The following ITFG1 variants were observed in gnomAD, a reference collection of about 807,000 sequenced individuals.
ITFG1 encodes the protein integrin alpha FG-GAP repeat containing 1.
ITFG1 carries 34 observed loss-of-function variants against 81.8 expected under a neutral mutation model. The ratio of observed to expected loss-of-function variants is 0.42; its 90% CI spans 0.32 to 0.55. The LOEUF is 0.55. Among genes scored for constraint, ITFG1 ranks in the 20% least tolerant of loss-of-function variants. The pLI is 0.17. For missense variants in ITFG1, 672 were observed against 755.4 expected (o/e 0.89, Z 1.29); for synonymous variants, 285 against 270.6 (o/e 1.05, Z -0.52).
chr16:47,455,449 G>T (rs1466170647), intron 2 of ITFG1, among the ~76,000 whole-genome samples: 1 of 151,082 alleles, frequency 6.6e-6, no homozygotes, highest in African/African-American at 2.4e-5. Flanking sequence ...GAAAACAAAA[G>T]AAAAACCTCG....
chr16:47,384,317 A>G (rs1968432512), intron 6 of ITFG1, among the ~76,000 whole-genome samples: 1 of 152,236 alleles, frequency 6.6e-6, no homozygotes, highest in Non-Finnish European at 1.5e-5. Context: ...ATACAAAGTT[A>G]GTTATTTAAA....
chr16:47,411,614 G>A (rs772005884), intron 6 of ITFG1, among the ~76,000 whole-genome samples: 1 of 152,096 alleles, frequency 6.6e-6, no homozygotes. Flanking sequence ...AAAGATGGAC[G>A]ACCAGCAGGA....
chr16:47,378,239 A>G (rs1482055444), intron 6 of ITFG1, among the ~76,000 whole-genome samples: 1 of 152,240 alleles, frequency 6.6e-6, no homozygotes, highest in Admixed American at 6.5e-5. Context: ...TTCAAACTGA[A>G]AATATCCAAC....
chr16:47,223,980 C>G (rs1463328988), intron 13 of ITFG1, among the ~76,000 whole-genome samples: 1 of 149,490 alleles, frequency 6.7e-6, no homozygotes, highest in Non-Finnish European at 1.5e-5. Context: ...AAACCAAACA[C>G]CGCATAGTCT....
chr16:47,178,682 T>C (rs1405736700), intron 14 of ITFG1, among the ~76,000 whole-genome samples: 3 of 152,176 alleles, frequency 2.0e-5, no homozygotes, highest in Non-Finnish European at 2.9e-5. Flanking sequence ...ACTTCATGTC[T>C]AAAACACCAA....
At chr16:47,276,890 T>A (rs966273261) in intron 10 of ITFG1, among the ~76,000 whole-genome samples, 1 of 152,196 alleles carries the variant, frequency 6.6e-6, no homozygotes, top group Non-Finnish European at 1.5e-5. Flanking sequence ...AGCCTACATA[T>A]GAAAAGTAAA....
At chr16:47,225,048 T>C (rs932641481) in intron 13 of ITFG1, among the ~76,000 whole-genome samples, 1 of 152,066 alleles carries the variant, frequency 6.6e-6, no homozygotes, top group African/African-American at 2.4e-5. Context: ...CATGTCTAAA[T>C]AACTGAAGAA....
chr16:47,179,274 G>T (rs950236249), intron 14 of ITFG1, among the ~76,000 whole-genome samples: 3 of 152,134 alleles, frequency 2.0e-5, no homozygotes, highest in Non-Finnish European at 4.4e-5. Context: ...AGACACATGC[G>T]CACATATGTT....
chr16:47,384,332 T>C (rs1968432720), intron 6 of ITFG1, among the ~76,000 whole-genome samples: 1 of 152,206 alleles, frequency 6.6e-6, no homozygotes, highest in Non-Finnish European at 1.5e-5. Context: ...TTTAAAAAGA[T>C]TTAAACTCAT....
intron 10 of ITFG1, among the ~76,000 whole-genome samples, chr16:47,282,689 G>A (rs1010562152): frequency 2.0e-5 from 3 of 152,134 alleles, no homozygotes; most frequent in Non-Finnish European, 4.4e-5. Context: ...CACAGAGGTT[G>A]TATTAATTTT....
intron 6 of ITFG1, among the ~76,000 whole-genome samples, chr16:47,409,841 T>C (rs548459557): frequency 7.2e-5 from 11 of 152,114 alleles, no homozygotes; most frequent in Admixed American, 1.3e-4. Context: ...TTAACAATTC[T>C]ATATAGCCAA....
At chr16:47,193,268 C>T (rs1219612735) in intron 14 of ITFG1, among the ~76,000 whole-genome samples, 1 of 146,206 alleles carries the variant, frequency 6.8e-6, no homozygotes, top group Non-Finnish European at 1.5e-5. Context: ...AAAGATTTTT[C>T]ACTCATTATT....
chr16:47,322,391 T>C (rs1228623552), intron 8 of ITFG1, among the ~76,000 whole-genome samples: 1 of 152,118 alleles, frequency 6.6e-6, no homozygotes, highest in Non-Finnish European at 1.5e-5. Context: ...ACGTGATGTT[T>C]TGAAATATGA....
At chr16:47,455,182 G>A (rs1240484158) in intron 2 of ITFG1, among the ~76,000 whole-genome samples, 2 of 152,160 alleles carry the variant, frequency 1.3e-5, no homozygotes, top group African/African-American at 4.8e-5. Flanking sequence ...CAGGGCAAAA[G>A]ATAGTAGACT....
intron 8 of ITFG1, among the ~76,000 whole-genome samples, chr16:47,325,602 G>A (rs893724700): frequency 6.6e-6 from 1 of 151,930 alleles, no homozygotes; most frequent in African/African-American, 2.4e-5. Flanking sequence ...AGAAAAGAGA[G>A]AAGAATCAAA....
intron 6 of ITFG1, among the ~76,000 whole-genome samples, chr16:47,425,294 G>A (rs1325604481): frequency 1.3e-5 from 2 of 152,190 alleles, no homozygotes; most frequent in East Asian, 1.9e-4. Flanking sequence ...TGCTAAGACC[G>A]TGGGAAAAGC....
At chr16:47,272,414 T>A (rs958480078) in intron 10 of ITFG1, among the ~76,000 whole-genome samples, 5 of 152,030 alleles carry the variant, frequency 3.3e-5, no homozygotes, top group African/African-American at 9.7e-5. Flanking sequence ...CATTTTTTTT[T>A]AATTGAAGTC....
chr16:47,458,302 T>C (rs1969478902), intron 2 of ITFG1, among the ~76,000 whole-genome samples: 1 of 152,202 alleles, frequency 6.6e-6, no homozygotes, highest in African/African-American at 2.4e-5. Context: ...TTCTACCTCC[T>C]CTTCATAACA....
chr16:47,181,423 G>T, intron 14 of ITFG1, among the ~76,000 whole-genome samples: 1 of 140,152 alleles, frequency 7.1e-6, no homozygotes, highest in East Asian at 2.2e-4. Flanking sequence ...CCCCCCGCCC[G>T]GCCAGCCGCC....
Sources: gnomAD v4.1 joint callset for allele counts (sites outside exome capture counted in the v4.1 genomes callset) on GRCh38, gnomAD v4.1.1 for gene constraint, MANE v1.5 for transcripts, NCBI Gene and HGNC (gene_info 2026-07-23, HGNC 2026-07-21) for gene names.